The following ADCK1 variants were observed in gnomAD, a reference collection of about 807,000 sequenced individuals.
ADCK1 encodes the protein aarF domain containing kinase 1.
In ADCK1, 41 loss-of-function variants were observed where a neutral mutation model predicts 52.3. That is an observed-to-expected ratio of 0.78 (90% CI 0.61 to 1.02). The LOEUF (loss-of-function observed/expected upper bound fraction) is 1.02. Ranked by LOEUF, ADCK1 falls within the 50% of genes least tolerant of loss-of-function variation. The probability of loss-of-function intolerance (pLI) is 0.00; values close to 1 mark genes in which losing one functional copy is unlikely to be tolerated. For synonymous variants in ADCK1, 250 were observed against 274.6 expected (o/e 0.91, Z 0.89); for missense variants, 658 against 679.5 (o/e 0.97, Z 0.35).
intron 2 of ADCK1, among the ~76,000 whole-genome samples, chr14:77,820,201 A>G (rs1489214120): frequency 1.3e-5 from 2 of 152,102 alleles, no homozygotes; most frequent in African/African-American, 4.8e-5. Flanking sequence ...CATTGTGCCA[A>G]GGTGGGTGAT....
chr14:77,932,554 G>A (rs1474253836), intron 10 of ADCK1, among the ~76,000 whole-genome samples: 2 of 152,182 alleles, frequency 1.3e-5, no homozygotes, highest in South Asian at 2.1e-4. Context: ...CTTCCGTGCT[G>A]GGAATGGACC....
intron 5 of ADCK1, among the ~76,000 whole-genome samples, chr14:77,889,956 G>A (rs2083249472): frequency 6.6e-6 from 1 of 152,064 alleles, no homozygotes; most frequent in African/African-American, 2.4e-5. Flanking sequence ...AACATTGGGG[G>A]GTGAGCCCAA....
chr14:77,837,132 G>A (rs1259047391), intron 3 of ADCK1, among the ~76,000 whole-genome samples: 1 of 148,422 alleles, frequency 6.7e-6, no homozygotes, highest in Non-Finnish European at 1.5e-5. Flanking sequence ...GGCAATCCAG[G>A]ATGATCTCAT....
At chr14:77,848,979 C>T (rs2082228029) in intron 3 of ADCK1, among the ~76,000 whole-genome samples, 1 of 152,128 alleles carries the variant, frequency 6.6e-6, no homozygotes, top group Non-Finnish European at 1.5e-5. Flanking sequence ...GCGCCCGCTA[C>T]CACGCCCAGC....
chr14:77,854,396 A>AT (rs1347843471), intron 3 of ADCK1, among the ~76,000 whole-genome samples: 1 of 152,164 alleles, frequency 6.6e-6, no homozygotes, highest in Non-Finnish European at 1.5e-5. Flanking sequence ...ACTGGATGAG[A>AT]TCCCCAAGGG....
chr14:77,883,027 A>T (rs1022520525), intron 4 of ADCK1, among the ~76,000 whole-genome samples: 6 of 141,340 alleles, frequency 4.2e-5, no homozygotes, highest in Non-Finnish European at 1.5e-5. Context: ...GTGCACACAC[A>T]CACAGAGAAA....
At chr14:77,815,658 A>G (rs1023132399) in intron 1 of ADCK1, among the ~76,000 whole-genome samples, 2 of 149,964 alleles carry the variant, frequency 1.3e-5, no homozygotes, top group Non-Finnish European at 3.0e-5. Flanking sequence ...AGCTGGGACT[A>G]CAGGTGCACA....
chr14:77,849,074 C>T (rs8005023), intron 3 of ADCK1, among the ~76,000 whole-genome samples: 3 of 152,044 alleles, frequency 2.0e-5, no homozygotes, highest in Non-Finnish European at 4.4e-5. Flanking sequence ...GTGATCTGCC[C>T]GCCTCGGCCT....
intron 1 of ADCK1, among the ~76,000 whole-genome samples, chr14:77,801,336 A>G (rs568712277): frequency 2.0e-5 from 3 of 152,322 alleles, no homozygotes; most frequent in Admixed American, 6.5e-5. Flanking sequence ...TTAAAGCACT[A>G]TCTCTTCACA....
At chr14:77,867,382 G>A (rs540757326) in intron 4 of ADCK1, among the ~76,000 whole-genome samples, 62 of 152,236 alleles carry the variant, frequency 4.1e-4, no homozygotes, top group Non-Finnish European at 7.4e-4. Context: ...GAGTGGGATC[G>A]CCTCCTCCCA....
intron 5 of ADCK1, among the ~76,000 whole-genome samples, chr14:77,893,757 A>C (rs2083334339): frequency 1.7e-5 from 1 of 57,322 alleles, no homozygotes; most frequent in South Asian, 5.1e-4. Flanking sequence ...TTTTTTTGAC[A>C]GAGTCTCACT....
At chr14:77,931,853 TAA>T (rs2084349190) in intron 10 of ADCK1, 142 bp downstream of exon 10, 1 of 940,560 alleles carries the variant, frequency 1.1e-6, no homozygotes, top group Non-Finnish European at 1.5e-6. Flanking sequence ...CAGGCAAAGT[TAA>T]AGTTTGAAAT....
At chr14:77,823,448 A>G (rs544894011) in intron 3 of ADCK1, among the ~76,000 whole-genome samples, 5 of 152,272 alleles carry the variant, frequency 3.3e-5, no homozygotes, top group African/African-American at 9.6e-5. Context: ...TATTATGACA[A>G]TTTCAACCAT....
intron 3 of ADCK1, among the ~76,000 whole-genome samples, chr14:77,836,057 A>C (rs1378250356): frequency 6.6e-6 from 1 of 152,240 alleles, no homozygotes; most frequent in Non-Finnish European, 1.5e-5. Context: ...TAATTAGGTC[A>C]TAAGGGCTCT....
intron 9 of ADCK1, among the ~76,000 whole-genome samples, 187 bp from the exon 10 acceptor site, chr14:77,931,331 G>A (rs1265167818): frequency 2.0e-5 from 3 of 152,184 alleles, no homozygotes; most frequent in Non-Finnish European, 2.9e-5. Flanking sequence ...GGTTTGTCAG[G>A]CTATACAGTG....
At chr14:77,890,500 G>GC (rs1256033116) in intron 5 of ADCK1, among the ~76,000 whole-genome samples, 1 of 152,190 alleles carries the variant, frequency 6.6e-6, no homozygotes, top group Non-Finnish European at 1.5e-5. Flanking sequence ...AGTCACAAAG[G>GC]CCCCCTTAGT....
chr14:77,836,247 A>C (rs542491990), intron 3 of ADCK1, among the ~76,000 whole-genome samples: 2 of 152,210 alleles, frequency 1.3e-5, no homozygotes, highest in South Asian at 4.1e-4. Flanking sequence ...TCTCTTGGTC[A>C]TGGGCTTCCC....
chr14:77,867,625 G>A (rs950823969), intron 4 of ADCK1, among the ~76,000 whole-genome samples: 3 of 152,142 alleles, frequency 2.0e-5, no homozygotes, highest in African/African-American at 7.2e-5. Context: ...TAGTCACTGC[G>A]GGAGAGGCAA....
intron 7 of ADCK1, among the ~76,000 whole-genome samples, chr14:77,909,001 A>G (rs11625414): frequency 0.39 from 59,430 of 151,744 alleles, 12,000 homozygotes; most frequent in Middle Eastern, 0.47. Flanking sequence ...GGGGAGATAA[A>G]GTAATGGTCT....
Sources: gnomAD v4.1 joint callset for allele counts (sites outside exome capture counted in the v4.1 genomes callset) on GRCh38, gnomAD v4.1.1 for gene constraint, MANE v1.5 for transcripts, NCBI Gene and HGNC (gene_info 2026-07-23, HGNC 2026-07-21) for gene names.